Variants in WNT9B observed in about 807,000 individuals in gnomAD.
WNT9B encodes protein Wnt-9b.
In WNT9B, 12 loss-of-function variants were observed where a neutral mutation model predicts 30.2. The observed-to-expected ratio is 0.40, with a 90% confidence interval of 0.26 to 0.64. WNT9B has a LOEUF of 0.64. WNT9B is among the 30% of genes least tolerant of loss of function. The pLI is 0.42. For synonymous variants in WNT9B, 218 were observed against 216.9 expected (o/e 1.01, Z -0.05); for missense variants, 442 against 485.2 (o/e 0.91, Z 0.84).
In WNT9B at chr17:46,876,444, A is replaced by C; in HGVS notation, c.800A>C (p.Gln267Pro). Residue 267 changes from glutamine (Q) to proline (P), a missense_variant, in exon 4 of 4, where the codon CAG becomes CCG. Transcript: ENST00000290015. ...GRLELWAPAR[Q>P]GSLTKGLAPR... ...CTAGAGCTGTGGGCCCCTGCCAGGC[A>C]GGGCAGCCTCACCAAAGGCCTGGCC... The C allele has an allele frequency of 6.2e-7, 1 of 1,613,712 alleles. No individual in the cohort carries two copies. The highest frequency in any genetic ancestry group is 8.5e-7 in the Non-Finnish European group (1 of 1,180,020).
At chr17:46,846,805 C>T (rs1422997525), upstream of WNT9B, among the ~76,000 whole-genome samples, 1 of 152,208 alleles carries the variant, frequency 6.6e-6, no homozygotes, top group Non-Finnish European at 1.5e-5. Flanking sequence ...GAGGGAGGAA[C>T]AGAAGTGAGA....
intron 3 of WNT9B, 42 bp downstream of exon 3, chr17:46,875,408 G>A (rs1444221875): frequency 8.4e-6 from 13 of 1,542,474 alleles, no homozygotes; most frequent in Non-Finnish European, 1.1e-5. Flanking sequence ...TCCCACCAGG[G>A]TACACAGCTG....
chr17:46,883,109 G>C (rs916567591), downstream of WNT9B, among the ~76,000 whole-genome samples: 3 of 151,862 alleles, frequency 2.0e-5, no homozygotes, highest in Non-Finnish European at 4.4e-5. Context: ...CTCCCGAGTA[G>C]CTGGGACTCC....
At chr17:46,873,729 C>T (rs774047743) in intron 2 of WNT9B, among the ~76,000 whole-genome samples, 1 of 150,514 alleles carries the variant, frequency 6.6e-6, no homozygotes, top group Non-Finnish European at 1.5e-5. Flanking sequence ...TGCAGTTGGC[C>T]GGTTGCCATG....
intron 1 of WNT9B, among the ~76,000 whole-genome samples, chr17:46,842,368 A>C (rs2146525856): frequency 6.6e-6 from 1 of 152,064 alleles, no homozygotes; most frequent in South Asian, 2.1e-4. Flanking sequence ...TTAGCTTTAA[A>C]TCTTTATTTA....
At chr17:46,859,291 C>G (rs9903724) in intron 1 of WNT9B, among the ~76,000 whole-genome samples, 3,743 of 152,234 alleles carry the variant, frequency 0.025, 156 homozygotes, top group African/African-American at 0.086. Context: ...TAGCTTTTAC[C>G]CTTAAGTCTA....
At chr17:46,874,911 G>A in intron 2 of WNT9B, 190 bp from the exon 3 acceptor site, 1 of 860,046 alleles carries the variant, frequency 1.2e-6, no homozygotes, top group Non-Finnish European at 1.9e-6. Flanking sequence ...CTTGCAGTCA[G>A]AATTTAAGGG....
chr17:46,858,629 C>T (rs2084979095), intron 1 of WNT9B, among the ~76,000 whole-genome samples: 1 of 152,152 alleles, frequency 6.6e-6, no homozygotes, highest in Non-Finnish European at 1.5e-5. Flanking sequence ...AAATCACTTT[C>T]TCATACAGCC....
intron 1 of WNT9B, among the ~76,000 whole-genome samples, chr17:46,834,682 C>T (rs1385680802): frequency 6.6e-6 from 1 of 152,148 alleles, no homozygotes; most frequent in Non-Finnish European, 1.5e-5. Flanking sequence ...TCCTCTGTCA[C>T]ACCCCTCCCC....
Position 46,839,201 on chromosome 17 carries a change from C to T in WNT9B, c.95+5761C>T, listed in dbSNP as rs143800739. On this transcript the variant is annotated intron_variant, in intron 1 of 2. Transcript: ENST00000575372. ...CCTCTAAAGAATTTTAAGTGAATTTCCAAGAGTTTCAAAGATGATTGTTAT... is the reference window on the plus strand; with the variant it reads ...CCTCTAAAGAATTTTAAGTGAATTTTCAAGAGTTTCAAAGATGATTGTTAT... Among the ~76,000 whole-genome samples the T allele has an allele frequency of 5.2e-3, 793 of 152,256 alleles. 12 individuals carry two copies. Among genetic ancestry groups the T allele is most frequent in the African/African-American group, 0.018 (741 of 41,548 alleles).
rs188919383 is a variant in WNT9B at position 46,845,129 on chromosome 17, G to A, written c.95+11689G>A. Reference sequence around the variant, plus strand: ...CTCCCAAAGTGCTTGGATTACAGGCGTAAGCCACAGTGCCTGGTCTCCTTC... The same window carrying A: ...CTCCCAAAGTGCTTGGATTACAGGCATAAGCCACAGTGCCTGGTCTCCTTC... On this transcript the variant is annotated intron_variant, in intron 1 of 2. Transcript: ENST00000575372. Among the ~76,000 whole-genome samples the A allele has an allele frequency of 3.7e-3, 559 of 152,340 alleles. 2 individuals carry two copies. Among genetic ancestry groups the A allele is most frequent in the Non-Finnish European group, 5.4e-3 (370 of 68,038 alleles).
chr17:46,863,325 T>A (rs970756550), intron 1 of WNT9B, among the ~76,000 whole-genome samples: 2 of 152,124 alleles, frequency 1.3e-5, no homozygotes, highest in Admixed American at 1.3e-4. Context: ...CTAAGGGGCA[T>A]AATATGCAGC....
intron 1 of WNT9B, among the ~76,000 whole-genome samples, chr17:46,866,048 G>A (rs1323587660): frequency 1.3e-5 from 2 of 152,210 alleles, no homozygotes; most frequent in Admixed American, 6.5e-5. Context: ...AGTAGCTTCC[G>A]AATTTGCCTG....
rs2085391624 is a variant in WNT9B, at chr17:46,879,253, G to C, written c.*2535G>C. 6.6e-6 allele frequency among the ~76,000 whole-genome samples: 1 copy of C among 152,122 alleles called. No individual in the cohort carries two copies. Among genetic ancestry groups the C allele is most frequent in the African/African-American group, 2.4e-5 (1 of 41,402 alleles). ...GGGAGATACAGCCTGACCTGACCGG[G>C]TCCCCCACTGAGCAGGAGGCCGGGT... On this transcript the variant is annotated 3_prime_UTR_variant, in exon 4 of 4. Coordinates refer to ENST00000290015, the MANE Select transcript of WNT9B (RefSeq NM_003396.3).
At chr17:46,884,822 G>A (rs1247029805), downstream of WNT9B, among the ~76,000 whole-genome samples, 2 of 152,114 alleles carry the variant, frequency 1.3e-5, no homozygotes, top group Admixed American at 1.3e-4. Context: ...ACTGGGATTG[G>A]GAGGTCTGGG....
upstream of WNT9B, among the ~76,000 whole-genome samples, chr17:46,850,688 C>A (rs1464483426): frequency 1.3e-5 from 2 of 152,176 alleles, no homozygotes; most frequent in Non-Finnish European, 2.9e-5. Context: ...AGGTACCACG[C>A]GCCGCTTTGA....
chr17:46,846,343 T>A (rs1182356104), intron 1 of WNT9B, among the ~76,000 whole-genome samples: 1 of 152,228 alleles, frequency 6.6e-6, no homozygotes, highest in Non-Finnish European at 1.5e-5. Context: ...TAACAATGTT[T>A]TTACTGTGGG....
exon 5 of WNT9B, chr17:46,886,331 A>T (rs927640547): frequency 6.6e-6 from 1 of 152,252 alleles, no homozygotes; most frequent in African/African-American, 2.4e-5. Context: ...GAAGACATCA[A>T]AGATGCATAG....
At chr17:46,839,076 C>T (rs1468460651) in intron 1 of WNT9B, among the ~76,000 whole-genome samples, 1 of 152,142 alleles carries the variant, frequency 6.6e-6, no homozygotes, top group Non-Finnish European at 1.5e-5. Flanking sequence ...CAGACTTTCA[C>T]CATGTTGGCC....
Sources: gnomAD v4.1 joint callset for allele counts (sites outside exome capture counted in the v4.1 genomes callset) on GRCh38, gnomAD v4.1.1 for gene constraint, MANE v1.5 for transcripts, NCBI Gene and HGNC (gene_info 2026-07-23, HGNC 2026-07-21) for gene names.